Variants in RBBP8 observed in about 807,000 individuals in gnomAD.
RBBP8 encodes the protein RB binding protein 8, endonuclease.
Under a neutral mutation model 108.3 loss-of-function variants are expected in RBBP8, and 88 were observed. The observed-to-expected ratio is 0.81, with a 90% CI of 0.68 to 0.97. The LOEUF (loss-of-function observed/expected upper bound fraction) is 0.97. Among genes scored for constraint, RBBP8 ranks in the 50% least tolerant of loss-of-function variants. RBBP8 has a pLI of 0.00. For synonymous variants in RBBP8, 332 were observed against 348.2 expected (o/e 0.95, Z 0.52); for missense variants, 1,023 against 1,049.0 (o/e 0.98, Z 0.34).
intron 8 of RBBP8, among the ~76,000 whole-genome samples, chr18:22,989,007 ACTT>A (rs905665156): frequency 6.6e-6 from 1 of 152,238 alleles, no homozygotes; most frequent in African/African-American, 2.4e-5. Context: ...CATAAAATTT[ACTT>A]GAAAAATTTT....
At chr18:23,018,144 C>T (rs1196521882) in intron 17 of RBBP8, among the ~76,000 whole-genome samples, 3 of 152,116 alleles carry the variant, frequency 2.0e-5, no homozygotes, top group South Asian at 2.1e-4. Flanking sequence ...CTCCATTTCC[C>T]GGGTTCAGAC....
chr18:23,003,366 GTTACATATTTA>G (rs747348547), intron 15 of RBBP8, among the ~76,000 whole-genome samples: 2 of 152,128 alleles, frequency 1.3e-5, no homozygotes, highest in African/African-American at 2.4e-5. Flanking sequence ...TTTAGGATTT[GTTACATATTTA>G]TTTTATTTTC....
At chr18:22,963,592 C>G (rs990014854) in intron 4 of RBBP8, among the ~76,000 whole-genome samples, 1 of 152,152 alleles carries the variant, frequency 6.6e-6, no homozygotes, top group Non-Finnish European at 1.5e-5. Context: ...TGGACTCTGT[C>G]CTCTTTACCT....
intron 15 of RBBP8, among the ~76,000 whole-genome samples, chr18:23,001,989 A>C (rs1283218347): frequency 6.6e-6 from 1 of 152,188 alleles, no homozygotes; most frequent in African/African-American, 2.4e-5. Context: ...TATTTATTAG[A>C]ACTAAGAAAC....
At chr18:22,953,730 A>G (rs771241345) in intron 4 of RBBP8, among the ~76,000 whole-genome samples, 1 of 150,880 alleles carries the variant, frequency 6.6e-6, no homozygotes, top group Non-Finnish European at 1.5e-5. Flanking sequence ...TATGTAGTCT[A>G]TATATTTTTT....
At chr18:23,024,522 C>A (rs2046423813) in intron 18 of RBBP8, 1 of 152,086 alleles carries the variant, frequency 6.6e-6, no homozygotes, top group African/African-American at 2.4e-5. Context: ...TTATTTTTTG[C>A]TATTTTCTCC....
chr18:22,984,256 A>G (rs1392007487), intron 7 of RBBP8, among the ~76,000 whole-genome samples: 1 of 152,192 alleles, frequency 6.6e-6, no homozygotes, highest in East Asian at 1.9e-4. Flanking sequence ...TCTTTGAACT[A>G]AATCTTTAAA....
rs1340569301 is a variant in RBBP8 at position 22,993,353 on chromosome 18, G to A, written c.1526G>A (p.Ser509Asn). The A allele has an allele frequency of 6.8e-6, 11 of 1,614,234 alleles. No homozygotes were observed. The East Asian group carries it at 2.0e-4, about 29-fold the overall frequency. The change falls in exon 11 of 19, where the codon AGT becomes AAT. Residue 509 changes from serine to asparagine, a missense_variant. Ser to Asn is a conservative substitution (Grantham distance 46). Coordinates refer to ENST00000327155, the MANE Select transcript of RBBP8 (RefSeq NM_002894.3). ...AIQRQEKSQG[S>N]ETSKNKFRQV... is the part of the protein sequence containing the mutation. ...CAGCGTCAAGAGAAAAGCCAAGGAAGTGAGACTTCTAAAAACAAATTTAGG... is the reference window on the plus strand; with the variant it reads ...CAGCGTCAAGAGAAAAGCCAAGGAAATGAGACTTCTAAAAACAAATTTAGG...
chr18:22,928,241 G>A (rs2144353276), intron 3 of RBBP8, among the ~76,000 whole-genome samples: 1 of 151,478 alleles, frequency 6.6e-6, no homozygotes, highest in South Asian at 2.1e-4. Context: ...AATAAAGAAA[G>A]CACAGTCTGA....
At chr18:22,946,418 T>C in intron 2 of RBBP8, 26 bp from the exon 3 acceptor site, 1 of 1,610,912 alleles carries the variant, frequency 6.2e-7, no homozygotes, top group Non-Finnish European at 8.5e-7. Context: ...GTTGTAGAAG[T>C]AATACCTTTT....
rs763067963 is a variant in RBBP8, at chr18:23,001,693, G to A, written c.2251G>A (p.Glu751Lys). ...ADSFSQAADE[E>K]EELSTATKKL... The stretch of plus-strand genomic sequence containing the variant: ...CAGTTTCTCCCAAGCAGCAGATGAA[G>A]AGGAGGAATTGTCTACTGCCACAAA... Residue 751 changes from glutamate to lysine, a missense_variant, in exon 15 of 19, where the codon GAG (glutamate) becomes AAG (lysine). Coordinates refer to ENST00000327155, the MANE Select transcript of RBBP8 (RefSeq NM_002894.3). The A allele has an allele frequency of 6.2e-7, 1 of 1,614,148 alleles. No individual in the cohort carries two copies. Among genetic ancestry groups the A allele is most frequent in the Non-Finnish European group, 8.5e-7 (1 of 1,180,008 alleles).
At chr18:22,920,060 C>T (rs114829022) in intron 3 of RBBP8, among the ~76,000 whole-genome samples, 3,971 of 152,100 alleles carry the variant, frequency 0.026, 76 homozygotes, top group South Asian at 0.066. Context: ...TGGTGGATCA[C>T]ACCTATAATC....
intron 4 of RBBP8, among the ~76,000 whole-genome samples, chr18:22,962,680 CAT>C (rs1598670017): frequency 6.6e-6 from 1 of 151,456 alleles, no homozygotes; most frequent in Non-Finnish European, 1.5e-5. Flanking sequence ...AGCTCACACA[CAT>C]ACACACCCCC....
intron 14 of RBBP8, among the ~76,000 whole-genome samples, chr18:23,000,740 CAA>C (rs78173403): frequency 1.5e-4 from 13 of 87,054 alleles, no homozygotes; most frequent in South Asian, 3.5e-4. Context: ...GACTCCGTCT[CAA>C]AAAAAAAAAA....
intron 1 of RBBP8, chr18:22,933,770 T>C (rs1446582309): frequency 1.3e-5 from 2 of 151,910 alleles, no homozygotes; most frequent in South Asian, 4.2e-4. Context: ...GTACTACTTC[T>C]GGGTCTCCCG....
intron 3 of RBBP8, among the ~76,000 whole-genome samples, chr18:22,926,494 T>C (rs1213527469): frequency 6.6e-6 from 1 of 152,202 alleles, no homozygotes; most frequent in East Asian, 1.9e-4. Flanking sequence ...CATCACCCCA[T>C]TATAATTTAA....
chr18:22,937,007 T>C (rs1329928841), intron 2 of RBBP8, 47 bp downstream of exon 2: 1 of 1,609,722 alleles, frequency 6.2e-7, no homozygotes, highest in East Asian at 2.2e-5. Context: ...GTTGAGACTG[T>C]AGTGGCTTTG....
At chr18:23,022,648 C>CATAAATA (rs2046378787) in intron 18 of RBBP8, among the ~76,000 whole-genome samples, 1 of 82,530 alleles carries the variant, frequency 1.2e-5, no homozygotes, top group African/African-American at 6.0e-5. Flanking sequence ...AAATAAAATA[C>CATAAATA]AATATAAAAT....
intron 6 of RBBP8, among the ~76,000 whole-genome samples, chr18:22,980,793 C>T (rs986084002): frequency 6.7e-5 from 10 of 148,686 alleles, no homozygotes; most frequent in Non-Finnish European, 1.3e-4. Context: ...TAGCTCACTG[C>T]AGCCTCGACT....
Sources: gnomAD v4.1 joint callset for allele counts (sites outside exome capture counted in the v4.1 genomes callset) on GRCh38, gnomAD v4.1.1 for gene constraint, MANE v1.5 for transcripts, NCBI Gene and HGNC (gene_info 2026-07-23, HGNC 2026-07-21) for gene names.